The following ABCC1 variants were observed in gnomAD, a reference collection of about 807,000 sequenced individuals.
ABCC1 encodes the protein multidrug resistance-associated protein 1.
A neutral mutation model predicts 172.9 loss-of-function variants in ABCC1; 83 were observed. That is an observed-to-expected ratio of 0.48 (90% CI 0.40 to 0.58). The LOEUF (loss-of-function observed/expected upper bound fraction) is 0.58, where lower values mean the gene tolerates loss of function less well. Among genes scored for constraint, ABCC1 ranks in the 20% least tolerant of loss-of-function variants. The probability of loss-of-function intolerance (pLI) is 0.00; values close to 1 mark genes in which losing one functional copy is unlikely to be tolerated. For synonymous variants in ABCC1, 937 were observed against 825.2 expected (o/e 1.14, Z -2.32); for missense variants, 1,817 against 2,002.7 (o/e 0.91, Z 1.77).
At chr16:16,004,884 C>G (rs974109805) in intron 1 of ABCC1, among the ~76,000 whole-genome samples, 4 of 151,828 alleles carry the variant, frequency 2.6e-5, no homozygotes, top group African/African-American at 9.7e-5. Flanking sequence ...CCATGTTGGC[C>G]GGGCTTGTCT....
intron 18 of ABCC1, among the ~76,000 whole-genome samples, 154 bp from the exon 19 acceptor site, chr16:16,090,251 G>A (rs567900695): frequency 1.3e-5 from 2 of 152,316 alleles, no homozygotes; most frequent in African/African-American, 4.8e-5. Context: ...AGCTGCTCCT[G>A]GATGCTGTTA....
At chr16:16,004,504 G>A (rs1271965604) in intron 1 of ABCC1, among the ~76,000 whole-genome samples, 1 of 152,098 alleles carries the variant, frequency 6.6e-6, no homozygotes, top group African/African-American at 2.4e-5. Flanking sequence ...CAGTCTTTGA[G>A]ATGTCATGCC....
chr16:16,059,503 T>G (rs2049814401), intron 12 of ABCC1, among the ~76,000 whole-genome samples: 2 of 152,152 alleles, frequency 1.3e-5, no homozygotes, highest in African/African-American at 2.4e-5. Context: ...TTTTTTTAAC[T>G]TTTAAAAAAT....
intron 5 of ABCC1, among the ~76,000 whole-genome samples, chr16:16,026,564 A>G (rs553359702): frequency 2.1e-5 from 3 of 141,172 alleles, no homozygotes; most frequent in Admixed American, 7.8e-5. Context: ...GTTTAGATCC[A>G]TAGAAGAGAG....
rs1001476173 is a variant in ABCC1, at chr16:16,124,661, C to G, written c.3591-128C>G. On this transcript the variant is annotated intron_variant, in intron 24 of 30. Coordinates refer to ENST00000399410, the MANE Select transcript of ABCC1 (RefSeq NM_004996.4). Reference sequence around the variant, plus strand: ...TTTGAAAAAGCAGTGCCAGGAAGGACTCTCTCTGGAATTACTGCGGAGTTA... The same window carrying G: ...TTTGAAAAAGCAGTGCCAGGAAGGAGTCTCTCTGGAATTACTGCGGAGTTA... 2.6e-5 allele frequency: 35 copies of G among 1,350,906 alleles called. No individual in the cohort carries two copies. In the Admixed American group the frequency reaches 5.6e-4, roughly 22 times the overall value. 83.7% of individuals were successfully genotyped at this position (1,350,906 alleles called of 1,614,324 possible).
intron 23 of ABCC1, 93 bp downstream of exon 23, chr16:16,115,169 A>G: frequency 7.5e-7 from 1 of 1,324,566 alleles, no homozygotes; most frequent in Non-Finnish European, 1.0e-6. Context: ...CCATGTCCCC[A>G]GTGTGGTGCT....
intron 30 of ABCC1, among the ~76,000 whole-genome samples, chr16:16,140,428 G>A (rs1025582812): frequency 2.0e-5 from 3 of 152,104 alleles, no homozygotes; most frequent in Non-Finnish European, 4.4e-5. Flanking sequence ...AGCTCACTGC[G>A]GCCTCAAGTG....
chr16:16,103,767 A>C (rs893000649), intron 20 of ABCC1, among the ~76,000 whole-genome samples: 5 of 152,184 alleles, frequency 3.3e-5, no homozygotes, highest in South Asian at 2.1e-4. Context: ...TGGAACAGAC[A>C]AACACTTCGT....
At chr16:15,990,591 G>C (rs1368500820) in intron 1 of ABCC1, among the ~76,000 whole-genome samples, 2 of 151,918 alleles carry the variant, frequency 1.3e-5, no homozygotes, top group Admixed American at 1.3e-4. Flanking sequence ...CCTGTGCCTG[G>C]CTTATTTCAT....
Position 16,071,548 on chromosome 16 carries a change from C to T in ABCC1, c.1825-94C>T, listed in dbSNP as rs1377828359. ...GAAATAAGGGAGGGTGTGTGCCCCT[C>T]CACACCTGGGGAAACCCTTGAAAGT... On this transcript the variant is annotated intron_variant, in intron 13 of 30. Transcript: ENST00000399410. 3.0e-6 allele frequency: 3 copies of T among 991,274 alleles called. No individual in the cohort carries two copies. In the African/African-American group the frequency reaches 4.8e-5, roughly 16 times the overall value. 61.4% of individuals were successfully genotyped at this position (991,274 alleles called of 1,614,324 possible). A position where few individuals can be genotyped will look rare whatever the true frequency, so the allele number is the denominator to read the frequency against.
At chr16:15,965,045 A>G (rs1297071088) in intron 1 of ABCC1, among the ~76,000 whole-genome samples, 1 of 151,980 alleles carries the variant, frequency 6.6e-6, no homozygotes, top group African/African-American at 2.4e-5. Flanking sequence ...TTGTTTTCCT[A>G]TTGGCATATT....
At position 15,974,751 on chromosome 16, in the gene ABCC1, A is replaced by G. The variant is rs79454751; in HGVS notation, c.48+24952A>G. On this transcript the variant is annotated intron_variant, in intron 1 of 30. Transcript: ENST00000399410. ...GCAAAATAGGAAGAAACAGAGTCTT[A>G]GAATCAATGCAGTATAATAATAGCT... 1.2e-4 allele frequency among the ~76,000 whole-genome samples: 18 copies of G among 152,250 alleles called. No homozygotes were observed. The East Asian group carries it at 3.5e-3, about 29-fold the overall frequency.
chr16:16,010,772 T>A (rs555838434), intron 3 of ABCC1, among the ~76,000 whole-genome samples: 56 of 152,220 alleles, frequency 3.7e-4, no homozygotes, highest in African/African-American at 1.3e-3. Flanking sequence ...ATCTTACAGG[T>A]GAGGAAACCA....
At chr16:16,108,105 C>A (rs2052217036) in intron 21 of ABCC1, among the ~76,000 whole-genome samples, 1 of 151,984 alleles carries the variant, frequency 6.6e-6, no homozygotes, top group African/African-American at 2.4e-5. Context: ...AGAGAAGTTA[C>A]CCCAAATCGC....
intron 3 of ABCC1, among the ~76,000 whole-genome samples, chr16:16,013,170 A>G (rs994011379): frequency 6.6e-6 from 1 of 152,056 alleles, no homozygotes; most frequent in Non-Finnish European, 1.5e-5. Flanking sequence ...ATGGAGGACC[A>G]CCAGCTCAGC....
chr16:16,101,915 C>G (rs1886452902), intron 19 of ABCC1, among the ~76,000 whole-genome samples: 1 of 152,218 alleles, frequency 6.6e-6, no homozygotes, highest in Admixed American at 6.5e-5. Flanking sequence ...AGTGTCCTTC[C>G]TAATTCTGCA....
rs766977294 is a variant in ABCC1, at chr16:16,102,696, G to C, written c.2714G>C (p.Ser905Thr). Reference protein sequence around the residue: ...QMENGMLVTDSAGKQLQRQLS... With the variant: ...QMENGMLVTDTAGKQLQRQLS... ...GAGAATGGCATGCTGGTGACGGACA[G>C]TGCAGGGAAGCAACTGCAGAGGTAA... The change falls in exon 20 of 31, where the codon AGT (serine) becomes ACT (threonine). Residue 905 changes from serine (S) to threonine (T), a missense_variant. This residue lies in a region of ABCC1 where 1,412 missense variants were observed against 1,600.3 expected (regional missense o/e 0.88). Coordinates refer to ENST00000399410, the MANE Select transcript of ABCC1 (RefSeq NM_004996.4). The C allele has an allele frequency of 3.0e-5, 48 of 1,585,082 alleles. No homozygotes were observed. Among genetic ancestry groups the C allele is most frequent in the Non-Finnish European group, 3.9e-5 (45 of 1,165,416 alleles).
At chr16:16,034,114 A>G (rs1401509254) in intron 6 of ABCC1, among the ~76,000 whole-genome samples, 1 of 137,534 alleles carries the variant, frequency 7.3e-6, no homozygotes, top group Non-Finnish European at 1.5e-5. Context: ...TGCAGTCCCA[A>G]TCTACTGGGC....
intron 23 of ABCC1, among the ~76,000 whole-genome samples, chr16:16,118,125 A>G (rs1189177757): frequency 6.6e-6 from 1 of 152,228 alleles, no homozygotes; most frequent in African/African-American, 2.4e-5. Flanking sequence ...TCCAATTCCA[A>G]AACTGCTGTT....
Sources: allele counts gnomAD v4.1 joint callset (sites outside exome capture counted in the v4.1 genomes callset), GRCh38; gene constraint gnomAD v4.1.1; regional missense constraint gnomAD v4.1.1; transcripts MANE v1.5; gene names NCBI Gene and HGNC (gene_info 2026-07-23, HGNC 2026-07-21).